Variants in CCDC88C observed in about 807,000 individuals in gnomAD.
CCDC88C encodes the protein protein Daple.
A neutral mutation model predicts 198.8 loss-of-function variants in CCDC88C; 131 were observed. The ratio of observed to expected loss-of-function variants is 0.66; its 90% CI spans 0.57 to 0.76. The LOEUF (loss-of-function observed/expected upper bound fraction) is 0.76, where lower values mean the gene tolerates loss of function less well. Among genes scored for constraint, CCDC88C ranks in the 30% least tolerant of loss-of-function variants. The pLI, the probability that CCDC88C is intolerant of heterozygous loss-of-function variation, is 0.00. For missense variants in CCDC88C, 2,553 were observed against 2,631.6 expected, an observed-to-expected ratio of 0.97 and a Z score of 0.65; for synonymous variants, 1,166 against 1,114.7, an observed-to-expected ratio of 1.05 and a Z score of -0.92.
intron 10 of CCDC88C, among the ~76,000 whole-genome samples, chr14:91,332,144 T>G (rs1892862449): frequency 6.6e-6 from 1 of 152,210 alleles, no homozygotes; most frequent in African/African-American, 2.4e-5. Flanking sequence ...CCGCTCAGGA[T>G]GCACACAGCA....
intron 3 of CCDC88C, among the ~76,000 whole-genome samples, chr14:91,390,924 TG>T (rs1885471729): frequency 6.6e-6 from 1 of 152,206 alleles, no homozygotes; most frequent in Non-Finnish European, 1.5e-5. Flanking sequence ...TCTTGGGCTC[TG>T]GGACAAGGTT....
Position 91,339,986 on chromosome 14 carries a change from C to A in CCDC88C, c.522G>T (p.Trp174Cys). Residue 174 changes from tryptophan (W) to cysteine (C), a missense_variant, in exon 7 of 30, where the codon TGG (tryptophan) becomes TGT (cysteine). By Grantham distance (215) the Trp-to-Cys change is radical (BLOSUM62 -2). This residue lies in a region of CCDC88C where 1,260 missense variants were observed against 1,412.0 expected (regional missense o/e 0.89). Transcript: ENST00000389857. The surrounding 1 kb of genome is among the most constrained non-coding windows in gnomAD (Gnocchi z 5.8). ...CCGGAGCCACGTCGGGCAGCTCCAG[C>A]CACTGCAGGTCAAACACGTTCTCTT... ...HNQENVFDLQ[W>C]LELPDVAPEE... is the part of the protein sequence containing the mutation. 6.2e-7 allele frequency: 1 copy of A among 1,607,198 alleles called. No individual in the cohort carries two copies. The highest frequency in any genetic ancestry group is 8.5e-7 in the Non-Finnish European group (1 of 1,177,538).
intron 2 of CCDC88C, among the ~76,000 whole-genome samples, chr14:91,411,979 G>A (rs569713999): frequency 7.6e-4 from 111 of 146,584 alleles, no homozygotes; most frequent in African/African-American, 2.8e-3. Flanking sequence ...AAAAAAAAAG[G>A]AAGAAGAAAG....
At chr14:91,290,747 C>G (rs896769082) in intron 24 of CCDC88C, among the ~76,000 whole-genome samples, 2 of 152,140 alleles carry the variant, frequency 1.3e-5, no homozygotes, top group African/African-American at 4.8e-5. Context: ...TGCTCTGCCC[C>G]CTTAAAAAAG....
chr14:91,350,904 TCTCA>T (rs1893753943), intron 4 of CCDC88C, among the ~76,000 whole-genome samples: 1 of 152,210 alleles, frequency 6.6e-6, no homozygotes, highest in Non-Finnish European at 1.5e-5. Flanking sequence ...GATGACTCCA[TCTCA>T]GAAATAGAAG....
intron 3 of CCDC88C, among the ~76,000 whole-genome samples, chr14:91,405,594 T>C (rs892769874): frequency 5.9e-5 from 9 of 152,102 alleles, no homozygotes; most frequent in Non-Finnish European, 1.2e-4. Flanking sequence ...ACAACCACAA[T>C]GGCATAAAAC....
In CCDC88C at chr14:91,371,258, C is replaced by T. The variant is rs1254691815; in HGVS notation, c.271-11547G>A. Among the ~76,000 whole-genome samples the T allele has an allele frequency of 6.6e-6, 1 of 151,208 alleles. No homozygotes were observed. The highest frequency in any genetic ancestry group is 2.4e-5 in the African/African-American group (1 of 41,038). Reference sequence around the variant, plus strand: ...TGGTAGAGTACTTTTTTTTTTTAAGCTTCTTGGCAAAGTCAGTATTTTTGC... The same window carrying T: ...TGGTAGAGTACTTTTTTTTTTTAAGTTTCTTGGCAAAGTCAGTATTTTTGC... On this transcript the variant is annotated intron_variant, in intron 3 of 29. Transcript: ENST00000389857. This position sits in a 1 kb window ranked among gnomAD's most constrained non-coding sequence, Gnocchi z 4.2.
Position 91,307,991 on chromosome 14 carries a change from T to C in CCDC88C, c.3006+360A>G, listed in dbSNP as rs372591867. Reference sequence around the variant, plus strand: ...GTAGACATGTGCATGTCCTCATGAGTCCCTGTGCACCCATCTGTCTCATCA... The same window carrying C: ...GTAGACATGTGCATGTCCTCATGAGCCCCTGTGCACCCATCTGTCTCATCA... On this transcript the variant is annotated intron_variant, in intron 17 of 29. Transcript: ENST00000389857. Among the ~76,000 whole-genome samples the C allele has an allele frequency of 2.6e-5, 4 of 152,274 alleles. No individual in the cohort carries two copies. In the East Asian group the frequency reaches 7.7e-4, roughly 29 times the overall value.
chr14:91,400,740 C>T (rs1226021545), intron 3 of CCDC88C, among the ~76,000 whole-genome samples: 3 of 152,198 alleles, frequency 2.0e-5, no homozygotes, highest in Non-Finnish European at 4.4e-5. Context: ...TGCATTTTAA[C>T]CAACACAATC....
intron 14 of CCDC88C, among the ~76,000 whole-genome samples, chr14:91,314,961 A>G (rs1471626543): frequency 1.3e-5 from 2 of 152,238 alleles, no homozygotes; most frequent in African/African-American, 4.8e-5. Context: ...ACACTGTGAG[A>G]TCCCATCTCT....
In CCDC88C at chr14:91,417,431, A is replaced by G. The variant is rs1008504604; in HGVS notation, c.60+200T>C. On this transcript the variant is annotated intron_variant, in intron 1 of 29. Coordinates refer to ENST00000389857, the MANE Select transcript of CCDC88C (RefSeq NM_001080414.4). ...CGCGGCGGGGTCCCGCGCCGGACGC[A>G]CAACGGGGGCGCCGGCTCCAGAGTT... 1.9e-5 allele frequency: 11 copies of G among 572,640 alleles called. No homozygotes were observed. In the Admixed American group the frequency reaches 2.7e-4, roughly 14 times the overall value. The allele number at this position is 572,640 out of a possible 1,614,324, so 35.5% of individuals were successfully genotyped here. A position where few individuals can be genotyped will look rare whatever the true frequency, so the allele number is the denominator to read the frequency against.
At chr14:91,336,889 G>A (rs552167220) in intron 10 of CCDC88C, among the ~76,000 whole-genome samples, 5 of 152,344 alleles carry the variant, frequency 3.3e-5, no homozygotes, top group East Asian at 1.9e-4. Flanking sequence ...CGGCAAGCCC[G>A]ACAGCTCCAC....
chr14:91,386,537 T>C (rs1885157049), intron 3 of CCDC88C, among the ~76,000 whole-genome samples: 1 of 152,196 alleles, frequency 6.6e-6, no homozygotes, highest in Admixed American at 6.5e-5. Flanking sequence ...CATCTGCGCA[T>C]GCCACACACA....
intron 3 of CCDC88C, among the ~76,000 whole-genome samples, chr14:91,406,205 G>A (rs1267667172): frequency 1.3e-5 from 2 of 152,232 alleles, no homozygotes; most frequent in Non-Finnish European, 2.9e-5. Flanking sequence ...GCCCAGAGCT[G>A]GATGGACCCT....
intron 3 of CCDC88C, among the ~76,000 whole-genome samples, chr14:91,396,938 C>G (rs1181868497): frequency 6.6e-6 from 1 of 151,426 alleles, no homozygotes; most frequent in South Asian, 2.1e-4. Context: ...AGGTCAAGGT[C>G]GAGGCTGCAG....
At chr14:91,346,929 A>G (rs1893567517) in intron 4 of CCDC88C, among the ~76,000 whole-genome samples, 1 of 152,162 alleles carries the variant, frequency 6.6e-6, no homozygotes, top group African/African-American at 2.4e-5. Context: ...GAATGCCCAC[A>G]TGAGTGTTAA....
intron 3 of CCDC88C, among the ~76,000 whole-genome samples, chr14:91,395,171 G>A (rs1489694741): frequency 1.3e-5 from 2 of 152,162 alleles, no homozygotes; most frequent in Admixed American, 1.3e-4. Flanking sequence ...AGATGGTGAG[G>A]CTCTTGGTTG....
chr14:91,310,155 G>A (rs1891756561), intron 15 of CCDC88C, among the ~76,000 whole-genome samples, 169 bp from the exon 16 acceptor site: 2 of 152,000 alleles, frequency 1.3e-5, no homozygotes, highest in Non-Finnish European at 2.9e-5. Flanking sequence ...GAAAGCCAAT[G>A]AATGCACTTG....
intron 23 of CCDC88C, among the ~76,000 whole-genome samples, chr14:91,293,452 G>GCCCACCT (rs1890809882): frequency 1.5e-5 from 1 of 66,914 alleles, no homozygotes; most frequent in Non-Finnish European, 3.1e-5. Context: ...ACCTGCCACG[G>GCCCACCT]TCCACCTTCC....
Sources: gnomAD v4.1 joint callset for allele counts (sites outside exome capture counted in the v4.1 genomes callset) on GRCh38, gnomAD v4.1.1 for gene constraint, gnomAD v4.1.1 regional missense constraint, Gnocchi (gnomAD v3.1) non-coding constraint, MANE v1.5 for transcripts, NCBI Gene and HGNC (gene_info 2026-07-23, HGNC 2026-07-21) for gene names.